The following GALNTL6 variants were observed in gnomAD, a reference collection of about 807,000 sequenced individuals.
GALNTL6 encodes the protein polypeptide N-acetylgalactosaminyltransferase-like 6.
Under a neutral mutation model 73.7 loss-of-function variants are expected in GALNTL6, and 46 were observed. The observed-to-expected ratio is 0.62, with a 90% CI of 0.49 to 0.80. The LOEUF is 0.80. GALNTL6 is among the 30% of genes least tolerant of loss of function. GALNTL6 has a pLI of 0.00. For missense variants in GALNTL6, 604 were observed against 755.0 expected, an observed-to-expected ratio of 0.80 and a Z score of 2.34; for synonymous variants, 259 against 263.7, an observed-to-expected ratio of 0.98 and a Z score of 0.17.
intron 5 of GALNTL6, among the ~76,000 whole-genome samples, chr4:172,480,528 A>C (rs1244420568): frequency 6.6e-6 from 1 of 152,240 alleles, no homozygotes; most frequent in Admixed American, 6.5e-5. Context: ...AATACTAGGG[A>C]TCATACAGAT....
intron 3 of GALNTL6, among the ~76,000 whole-genome samples, chr4:172,270,992 A>G (rs1031832612): frequency 6.6e-6 from 1 of 152,156 alleles, no homozygotes; most frequent in African/African-American, 2.4e-5. Flanking sequence ...TACACTACTA[A>G]TATAGATGTC....
chr4:171,892,764 G>C (rs1736799140), intron 2 of GALNTL6, among the ~76,000 whole-genome samples: 1 of 152,048 alleles, frequency 6.6e-6, no homozygotes, highest in South Asian at 2.1e-4. Context: ...AGGTCTTGCT[G>C]TTACCCAGGC....
At chr4:171,951,012 T>C (rs1014411317) in intron 2 of GALNTL6, among the ~76,000 whole-genome samples, 8 of 151,902 alleles carry the variant, frequency 5.3e-5, no homozygotes, top group African/African-American at 1.9e-4. Context: ...TAAAATTAAG[T>C]TATAGAAACA....
At chr4:173,023,681 T>A (rs1157031912) in intron 12 of GALNTL6, among the ~76,000 whole-genome samples, 1 of 151,496 alleles carries the variant, frequency 6.6e-6, no homozygotes, top group East Asian at 1.9e-4. Context: ...CAAAAAAAAA[T>A]CAGTTGTTAT....
At chr4:172,552,737 T>G (rs1440562039) in intron 5 of GALNTL6, among the ~76,000 whole-genome samples, 1 of 138,662 alleles carries the variant, frequency 7.2e-6, no homozygotes, top group Non-Finnish European at 1.5e-5. Flanking sequence ...TAAAAGCGTT[T>G]TTTTTTTTTA....
rs573063618 is a variant in GALNTL6 at position 172,155,114 on chromosome 4, C to CAGGCTCCTGAGTAGTTGGGATTACAGG, written c.139-74539_139-74513dup. On this transcript the variant is annotated intron_variant, in intron 2 of 12. Coordinates refer to ENST00000506823, the MANE Select transcript of GALNTL6 (RefSeq NM_001034845.3). ...CTAGGTTCAAGCGATTCTGCTGTCT[C>CAGGCTCCTGAGTAGTTGGGATTACAGG]AGGCTCCTGAGTAGTTGGGATTACA... Among the ~76,000 whole-genome samples the CAGGCTCCTGAGTAGTTGGGATTACAGG allele has an allele frequency of 5.0e-3, 758 of 152,058 alleles. 2 individuals carry two copies. Among genetic ancestry groups the CAGGCTCCTGAGTAGTTGGGATTACAGG allele is most frequent in the Non-Finnish European group, 7.7e-3 (527 of 68,002 alleles).
chr4:172,758,271 A>T (rs1737866512), intron 5 of GALNTL6, among the ~76,000 whole-genome samples: 1 of 152,200 alleles, frequency 6.6e-6, no homozygotes, highest in African/African-American at 2.4e-5. Context: ...GCGGTGGCTC[A>T]TGCCCATAAT....
intron 5 of GALNTL6, among the ~76,000 whole-genome samples, chr4:172,522,867 A>G (rs1302100696): frequency 6.6e-6 from 1 of 152,178 alleles, no homozygotes; most frequent in Non-Finnish European, 1.5e-5. Context: ...TGTGCAACTG[A>G]GTAATTTATT....
Position 172,084,392 on chromosome 4 carries a change from C to T in GALNTL6, c.139-145264C>T, listed in dbSNP as rs546669232. ...TTTTTCCTCCTAGATAGGAGCTGAG[C>T]AACATAACTGGAACAAGAAAACGAT... On this transcript the variant is annotated intron_variant, in intron 2 of 12. Transcript: ENST00000506823. 2.0e-5 allele frequency among the ~76,000 whole-genome samples: 3 copies of T among 152,192 alleles called. No homozygotes were observed. In the South Asian group the frequency reaches 6.2e-4, roughly 32 times the overall value.
chr4:172,171,439 G>T (rs1579209775), intron 2 of GALNTL6, among the ~76,000 whole-genome samples: 1 of 152,222 alleles, frequency 6.6e-6, no homozygotes, highest in East Asian at 1.9e-4. Context: ...AGTACATACA[G>T]GTTATTCAGT....
chr4:172,519,884 C>G (rs1478338256), intron 5 of GALNTL6, among the ~76,000 whole-genome samples: 1 of 151,622 alleles, frequency 6.6e-6, no homozygotes, highest in African/African-American at 2.4e-5. Flanking sequence ...AAACTTCACT[C>G]TAATAGTCCT....
At chr4:171,919,099 T>C (rs1189770196) in intron 2 of GALNTL6, among the ~76,000 whole-genome samples, 1 of 152,066 alleles carries the variant, frequency 6.6e-6, no homozygotes, top group African/African-American at 2.4e-5. Flanking sequence ...AACAATAATA[T>C]ATTGTACACT....
At position 172,357,739 on chromosome 4, in the gene GALNTL6, A is replaced by G. The variant is rs570567791; in HGVS notation, c.553+9050A>G. Among the ~76,000 whole-genome samples, 4 of 151,978 alleles carry G rather than the reference A, an allele frequency of 2.6e-5. No individual in the cohort carries two copies. The South Asian group carries it at 8.3e-4, about 32-fold the overall frequency. ...CAACACAAAAAAACCTGACTGCAATATTGTAGTTCTGTAAAGAACTGCTTA... is the reference window on the plus strand; with the variant it reads ...CAACACAAAAAAACCTGACTGCAATGTTGTAGTTCTGTAAAGAACTGCTTA... On this transcript the variant is annotated intron_variant, in intron 5 of 12. Transcript: ENST00000506823.
At chr4:172,914,242 A>C (rs1226082743) in intron 8 of GALNTL6, among the ~76,000 whole-genome samples, 1 of 152,208 alleles carries the variant, frequency 6.6e-6, no homozygotes, top group Non-Finnish European at 1.5e-5. Context: ...AGAGCTCCTG[A>C]AGGAAGCACT....
chr4:172,488,493 G>T (rs905341067), intron 5 of GALNTL6, among the ~76,000 whole-genome samples: 2 of 152,166 alleles, frequency 1.3e-5, no homozygotes, highest in African/African-American at 4.8e-5. Context: ...AGCATGGCTT[G>T]TCCCCATGAC....
At chr4:171,962,200 G>C (rs1009953748) in intron 2 of GALNTL6, among the ~76,000 whole-genome samples, 1 of 152,224 alleles carries the variant, frequency 6.6e-6, no homozygotes, top group South Asian at 2.1e-4. Flanking sequence ...TGGATTAAAG[G>C]TTCCCTTGTA....
At chr4:172,893,348 G>A (rs542790982) in intron 8 of GALNTL6, among the ~76,000 whole-genome samples, 10 of 151,878 alleles carry the variant, frequency 6.6e-5, no homozygotes, top group East Asian at 1.9e-4. Flanking sequence ...AGAGTGGCGG[G>A]GGGGGGGTCT....
rs551570508 is a variant in GALNTL6, at chr4:172,239,987, T to C, written c.247+10223T>C. Among the ~76,000 whole-genome samples the C allele has an allele frequency of 1.6e-4, 24 of 152,280 alleles. No homozygotes were observed. The South Asian group carries it at 5.0e-3, about 32-fold the overall frequency. On this transcript the variant is annotated intron_variant, in intron 3 of 12. Coordinates refer to ENST00000506823, the MANE Select transcript of GALNTL6 (RefSeq NM_001034845.3). ...CCTGCTCCTTCTCTTTAGCTGCATT[T>C]AATATTTTTGCTTTCATGTTGACCT...
chr4:172,764,692 AT>A (rs2110839722), intron 5 of GALNTL6, among the ~76,000 whole-genome samples: 1 of 152,306 alleles, frequency 6.6e-6, no homozygotes, highest in South Asian at 2.1e-4. Flanking sequence ...GTAAAAAAAA[AT>A]CAAAAGGTGA....
Sources: allele counts gnomAD v4.1 joint callset (sites outside exome capture counted in the v4.1 genomes callset), GRCh38; gene constraint gnomAD v4.1.1; transcripts MANE v1.5; gene names NCBI Gene and HGNC (gene_info 2026-07-23, HGNC 2026-07-21).